ADGRB1: variants seen among roughly 807,000 people sequenced by gnomAD.
The protein encoded by ADGRB1 is brain-specific angiogenesis inhibitor 1.
In ADGRB1, 36 loss-of-function variants were observed where a neutral mutation model predicts 175.7. The observed-to-expected ratio is 0.20, with a 90% confidence interval of 0.16 to 0.27. ADGRB1 has a LOEUF of 0.27. ADGRB1 is among the 10% of genes least tolerant of loss of function. The pLI is 1.00. For synonymous variants in ADGRB1, 1,054 were observed against 979.4 expected (o/e 1.08, Z -1.42); for missense variants, 1,731 against 2,255.3 (o/e 0.77, Z 4.71).
chr8:142,473,466 C>T (rs1469050732), intron 2 of ADGRB1, among the ~76,000 whole-genome samples: 1 of 152,216 alleles, frequency 6.6e-6, no homozygotes, highest in Non-Finnish European at 1.5e-5. Flanking sequence ...CAGTTCAAGT[C>T]CAGGTTCCTC....
intron 3 of ADGRB1, among the ~76,000 whole-genome samples, chr8:142,476,265 T>C (rs1229078841): frequency 6.6e-6 from 1 of 152,144 alleles, no homozygotes; most frequent in Non-Finnish European, 1.5e-5. Context: ...CCCCGGGGCA[T>C]CGGCTGGGCT....
chr8:142,477,878 G>A (rs1346595349), intron 6 of ADGRB1, among the ~76,000 whole-genome samples: 2 of 151,622 alleles, frequency 1.3e-5, no homozygotes, highest in African/African-American at 4.9e-5. Context: ...TGGGTGTGGG[G>A]TGGTGGCCCC....
intron 11 of ADGRB1, among the ~76,000 whole-genome samples, chr8:142,483,042 T>C (rs1484211420): frequency 2.8e-5 from 4 of 145,358 alleles, no homozygotes. Flanking sequence ...CTGGTCACAC[T>C]GAGCCCTGAT....
intron 18 of ADGRB1, among the ~76,000 whole-genome samples, chr8:142,512,497 C>T (rs1472512519): frequency 6.6e-6 from 1 of 152,216 alleles, no homozygotes; most frequent in Non-Finnish European, 1.5e-5. Context: ...AGGACCTGGG[C>T]AGGAGAGAAC....
At position 142,479,386 on chromosome 8, in the gene ADGRB1, G is replaced by C. The variant is rs774618478; in HGVS notation, c.1625G>C (p.Ser542Thr). The C allele has an allele frequency of 3.3e-6, 5 of 1,532,234 alleles. No homozygotes were observed. In the South Asian group the frequency reaches 5.0e-5, roughly 15 times the overall value. 94.9% of individuals were successfully genotyped at this position (1,532,234 alleles called of 1,614,324 possible). A position where few individuals can be genotyped will look rare whatever the true frequency, so the allele number is the denominator to read the frequency against. Residue 542 changes from serine to threonine, a missense_variant, in exon 8 of 31, where the codon AGC (serine) becomes ACC (threonine). Physicochemically the swap from Ser to Thr is moderately conservative, Grantham distance 58 (BLOSUM62 1). Around this residue, in one of 8 missense-constraint regions of ADGRB1, gnomAD observed 388 missense variants for 630.9 expected, o/e 0.61. Transcript: ENST00000517894. ...GSCSVTCGAG[S>T]QRRERVCSGP... ...TGCAGCGTCACGTGTGGGGCTGGCA[G>C]CCAGCGACGGGAGCGTGTCTGCTCT...
intron 16 of ADGRB1, 114 bp downstream of exon 16, chr8:142,489,552 C>T (rs1035894865): frequency 5.1e-6 from 6 of 1,168,506 alleles, no homozygotes; most frequent in Admixed American, 3.8e-5. Flanking sequence ...CTTTAACCTT[C>T]GAGAGCTACT....
At position 142,499,427 on chromosome 8, in the gene ADGRB1, C is replaced by T. The variant is rs540034505; in HGVS notation, c.2675+8612C>T. Among the ~76,000 whole-genome samples, 79 of 152,362 alleles carry T rather than the reference C, an allele frequency of 5.2e-4. No individual in the cohort carries two copies. In the East Asian group the frequency reaches 0.013, roughly 26 times the overall value. ...AGGCAGCCGCTCAAAAGAGCGCCAC[C>T]CTTGGGGGCCGGAGACTTGGGGTAC... is the stretch of plus-strand genomic sequence containing the variant. On this transcript the variant is annotated intron_variant, in intron 17 of 30. Coordinates refer to ENST00000517894, the MANE Select transcript of ADGRB1 (RefSeq NM_001702.3).
At chr8:142,456,479 G>A (rs1839690470) in intron 1 of ADGRB1, among the ~76,000 whole-genome samples, 1 of 152,142 alleles carries the variant, frequency 6.6e-6, no homozygotes, top group African/African-American at 2.4e-5. Flanking sequence ...ACACTCACGT[G>A]TGCGACTCAG....
rs940145116 is a variant in ADGRB1 at position 142,543,265 on chromosome 8, A to G, written c.4414-138A>G. 4 of 1,144,918 alleles carry G rather than the reference A, an allele frequency of 3.5e-6. No individual in the cohort carries two copies. The African/African-American group carries it at 4.6e-5, about 13-fold the overall frequency. The allele number at this position is 1,144,918 out of a possible 1,614,324, so 70.9% of individuals were successfully genotyped here. On this transcript the variant is annotated intron_variant, in intron 28 of 30. Transcript: ENST00000517894. The surrounding 1 kb of genome is among the most constrained non-coding windows in gnomAD (Gnocchi z 4.4). ...GAGCTGCCTCAGTGCGCCCCCAGGCATGTCCCCTGGGTCTGGCCTGGTCCC... is the reference window on the plus strand; with the variant it reads ...GAGCTGCCTCAGTGCGCCCCCAGGCGTGTCCCCTGGGTCTGGCCTGGTCCC...
chr8:142,494,620 A>T (rs1476306776), intron 17 of ADGRB1, among the ~76,000 whole-genome samples: 1 of 151,848 alleles, frequency 6.6e-6, no homozygotes, highest in Non-Finnish European at 1.5e-5. Context: ...CCATGGGCTC[A>T]ACACTCAAGC....
At chr8:142,466,775 A>T (rs1332987329) in intron 2 of ADGRB1, among the ~76,000 whole-genome samples, 1 of 151,880 alleles carries the variant, frequency 6.6e-6, no homozygotes, top group East Asian at 1.9e-4. Flanking sequence ...ACGGTTTGGG[A>T]GGTGGGAGGC....
At chr8:142,516,470 TGTG>T (rs1372672155) in intron 18 of ADGRB1, among the ~76,000 whole-genome samples, 2 of 83,074 alleles carry the variant, frequency 2.4e-5, no homozygotes, top group Non-Finnish European at 4.5e-5. Flanking sequence ...GGGCCCCAGA[TGTG>T]TGTGTGTGCG....
chr8:142,520,540 G>T (rs950983040), intron 19 of ADGRB1, among the ~76,000 whole-genome samples: 1 of 125,856 alleles, frequency 7.9e-6, no homozygotes, highest in Non-Finnish European at 1.7e-5. Flanking sequence ...GGTAGTGATT[G>T]TGTGATGATG....
chr8:142,541,365 G>C (rs1042739974), intron 27 of ADGRB1, among the ~76,000 whole-genome samples: 2 of 152,102 alleles, frequency 1.3e-5, no homozygotes, highest in Non-Finnish European at 2.9e-5. Context: ...TGGGTATGGA[G>C]ACCTCTCTCC....
chr8:142,516,383 G>C (rs35665724), intron 18 of ADGRB1, among the ~76,000 whole-genome samples: 1 of 121,010 alleles, frequency 8.3e-6, no homozygotes, highest in South Asian at 2.9e-4. Context: ...AGGTGCGTGC[G>C]TCTGTGTGGG....
chr8:142,510,194 C>G lies in ADGRB1; in HGVS notation c.2676-738C>G, dbSNP rs1004919162. On this transcript the variant is annotated intron_variant, in intron 17 of 30. Transcript: ENST00000517894. This position sits in a 1 kb window ranked among gnomAD's most constrained non-coding sequence, Gnocchi z 6.3. Reference sequence around the variant, plus strand: ...TCCCTGGTGCACCAAGTAACAAGTCCTGTGCTTAAATGCGTGCTCAGATGA... The same window carrying G: ...TCCCTGGTGCACCAAGTAACAAGTCGTGTGCTTAAATGCGTGCTCAGATGA... 2.6e-5 allele frequency among the ~76,000 whole-genome samples: 4 copies of G among 152,138 alleles called. No homozygotes were observed. The highest frequency in any genetic ancestry group is 6.5e-5 in the Admixed American group (1 of 15,284).
chr8:142,450,798 GC>G, intron 1 of ADGRB1, among the ~76,000 whole-genome samples: 1 of 152,088 alleles, frequency 6.6e-6, no homozygotes, highest in Non-Finnish European at 1.5e-5. Flanking sequence ...CTATTTTTGC[GC>G]CCCCCACCCC....
Position 142,537,048 on chromosome 8 carries a change from G to T in ADGRB1, c.3632G>T (p.Gly1211Val), listed in dbSNP as rs774433387. Reference sequence around the variant, plus strand: ...CAGGAGGAGGGCAACGGGGACTCAGGGGGCTCCTTCCAGAACGGCCACGCC... The same window carrying T: ...CAGGAGGAGGGCAACGGGGACTCAGTGGGCTCCTTCCAGAACGGCCACGCC... ...DRQEEGNGDSGGSFQNGHAQL... is the reference protein window; with the variant it reads ...DRQEEGNGDSVGSFQNGHAQL... Residue 1211 changes from glycine (G) to valine (V), a missense_variant, in exon 26 of 31, where the codon GGG becomes GTG. By Grantham distance (109) the Gly-to-Val change is moderately radical (BLOSUM62 -3). Transcript: ENST00000517894. The surrounding 1 kb of genome is among the most constrained non-coding windows in gnomAD (Gnocchi z 4.6). 4.4e-6 allele frequency: 7 copies of T among 1,583,352 alleles called. No homozygotes were observed. The highest frequency in any genetic ancestry group is 6.0e-6 in the Non-Finnish European group (7 of 1,164,880).
chr8:142,484,609 G>A, intron 12 of ADGRB1, 47 bp from the exon 13 acceptor site: 1 of 1,536,730 alleles, frequency 6.5e-7, no homozygotes, highest in Non-Finnish European at 8.9e-7. Flanking sequence ...AGGGGCTAAG[G>A]GACAGTGGGG....
Sources: allele counts gnomAD v4.1 joint callset (sites outside exome capture counted in the v4.1 genomes callset), GRCh38; gene constraint gnomAD v4.1.1; regional missense constraint gnomAD v4.1.1; non-coding constraint Gnocchi (gnomAD v3.1); transcripts MANE v1.5; gene names NCBI Gene and HGNC (gene_info 2026-07-23, HGNC 2026-07-21).